Variants in OR2L13 observed in about 807,000 individuals in gnomAD.
OR2L13 encodes the protein olfactory receptor family 2 subfamily L member 13.
Under a neutral mutation model 15.3 loss-of-function variants are expected in OR2L13, and 14 were observed. The ratio of observed to expected loss-of-function variants is 0.91; its 90% confidence interval spans 0.60 to 1.43. The LOEUF (loss-of-function observed/expected upper bound fraction) is 1.43. Among genes scored for constraint, OR2L13 ranks in the 40% most tolerant of loss-of-function variants. The probability of loss-of-function intolerance (pLI) is 0.00; values close to 1 mark genes in which losing one functional copy is unlikely to be tolerated. For synonymous variants in OR2L13, 152 were observed against 142.9 expected, an observed-to-expected ratio of 1.06 and a Z score of -0.45; for missense variants, 367 against 387.9, an observed-to-expected ratio of 0.95 and a Z score of 0.45.
At chr1:247,987,103 T>C in the OR2L13 span, among the ~76,000 whole-genome samples, 1 of 152,202 alleles carries the variant, frequency 6.6e-6, no homozygotes, top group East Asian at 1.9e-4. Context: ...TGTTTGTTGT[T>C]AGTGTATAGC....
the OR2L13 span, chr1:248,060,543 G>A: frequency 1.5e-6 from 1 of 674,022 alleles, no homozygotes; most frequent in African/African-American, 1.8e-5. Flanking sequence ...GAAAATAATA[G>A]TGTATATAGG....
the OR2L13 span, among the ~76,000 whole-genome samples, chr1:247,993,207 C>T: frequency 2.8e-4 from 42 of 152,128 alleles, no homozygotes; most frequent in African/African-American, 9.9e-4. Flanking sequence ...CATGTAACTT[C>T]TGCATTTTTA....
chr1:247,949,692 A>G, the OR2L13 span: 1 of 1,613,924 alleles, frequency 6.2e-7, no homozygotes, highest in Non-Finnish European at 8.5e-7. Context: ...CTTCTACACC[A>G]TCCTCACCCC....
chr1:248,006,484 T>G, the OR2L13 span, among the ~76,000 whole-genome samples: 1 of 151,996 alleles, frequency 6.6e-6, no homozygotes, highest in African/African-American at 2.4e-5. Context: ...TGGAGCCCTT[T>G]GAGTGTGGGA....
chr1:248,025,532 T>C, the OR2L13 span, among the ~76,000 whole-genome samples: 1 of 149,396 alleles, frequency 6.7e-6, no homozygotes, highest in Non-Finnish European at 1.5e-5. Flanking sequence ...CTTGTGGAAG[T>C]CAGTGTGGCG....
chr1:248,028,140 CAAA>C, the OR2L13 span, among the ~76,000 whole-genome samples: 73 of 37,772 alleles, frequency 1.9e-3, no homozygotes, highest in African/African-American at 6.6e-3. Context: ...GATTCCGTCT[CAAA>C]AAAAAAAAAA....
chr1:248,073,553 C>A, the OR2L13 span, among the ~76,000 whole-genome samples: 1 of 151,530 alleles, frequency 6.6e-6, no homozygotes, highest in South Asian at 2.1e-4. Flanking sequence ...GTGCAGCACA[C>A]CAGCATGGCA....
chr1:247,967,382 C>A, the OR2L13 span, among the ~76,000 whole-genome samples: 1 of 152,060 alleles, frequency 6.6e-6, no homozygotes, highest in Admixed American at 6.6e-5. Context: ...GCACCCGCCA[C>A]CACACCCGGC....
At chr1:247,968,826 G>A in the OR2L13 span, among the ~76,000 whole-genome samples, 6 of 152,012 alleles carry the variant, frequency 3.9e-5, no homozygotes, top group Non-Finnish European at 7.3e-5. Flanking sequence ...TGTCTTTATA[G>A]CAGCATGATT....
At chr1:247,965,627 G>A in the OR2L13 span, 525,729 of 1,550,106 alleles carry the variant, frequency 0.34, 90,776 homozygotes, top group East Asian at 0.49. Flanking sequence ...ATGGCAGTCA[G>A]CTTCCTCTCA....
chr1:248,036,900 T>C, the OR2L13 span, among the ~76,000 whole-genome samples: 3 of 152,166 alleles, frequency 2.0e-5, no homozygotes, highest in Non-Finnish European at 4.4e-5. Flanking sequence ...ATACTTATGA[T>C]CCCTTCATAT....
chr1:247,961,923 A>G, the OR2L13 span, among the ~76,000 whole-genome samples: 13 of 152,334 alleles, frequency 8.5e-5, no homozygotes, highest in African/African-American at 3.1e-4. Context: ...TTGACTCATT[A>G]AAAATTCAGA....
the OR2L13 span, chr1:247,949,593 G>A: frequency 2.5e-5 from 41 of 1,613,916 alleles, no homozygotes; most frequent in Non-Finnish European, 3.1e-5. Context: ...CCACCTCACT[G>A]TAGTAACTTT....
the OR2L13 span, among the ~76,000 whole-genome samples, chr1:248,000,445 A>C: frequency 6.6e-6 from 1 of 152,154 alleles, no homozygotes; most frequent in South Asian, 2.1e-4. Context: ...TGAATGTATG[A>C]ATCACTAAAT....
chr1:248,016,893 G>A, the OR2L13 span, among the ~76,000 whole-genome samples: 2 of 151,998 alleles, frequency 1.3e-5, no homozygotes, highest in South Asian at 2.1e-4. Flanking sequence ...ATAAAATGTC[G>A]GTGGTGATGT....
At chr1:248,068,526 G>A in the OR2L13 span, among the ~76,000 whole-genome samples, 2 of 152,022 alleles carry the variant, frequency 1.3e-5, no homozygotes, top group African/African-American at 4.8e-5. Flanking sequence ...ACAAAGATGG[G>A]GAAAAAACAG....
the OR2L13 span, among the ~76,000 whole-genome samples, chr1:247,960,957 G>C: frequency 6.6e-6 from 1 of 152,134 alleles, no homozygotes; most frequent in African/African-American, 2.4e-5. Flanking sequence ...TGTACCCACT[G>C]TCCGACAATC....
At chr1:248,010,429 T>C in the OR2L13 span, among the ~76,000 whole-genome samples, 2 of 152,146 alleles carry the variant, frequency 1.3e-5, no homozygotes, top group African/African-American at 4.8e-5. Context: ...GTACTGTAGA[T>C]TTCTATTAGG....
chr1:247,966,426 A>G, the OR2L13 span: 1 of 1,285,712 alleles, frequency 7.8e-7, no homozygotes, highest in South Asian at 1.5e-5. Flanking sequence ...TCACAAAAAC[A>G]GTGTTTATCA....
Sources: allele counts gnomAD v4.1 joint callset (sites outside exome capture counted in the v4.1 genomes callset), GRCh38; gene constraint gnomAD v4.1.1; transcripts MANE v1.5; gene names NCBI Gene and HGNC (gene_info 2026-07-23, HGNC 2026-07-21).